KCNQ5: variants seen among roughly 807,000 people sequenced by gnomAD.
KCNQ5 encodes the protein potassium voltage-gated channel subfamily KQT member 5.
Under a neutral mutation model 98.2 loss-of-function variants are expected in KCNQ5, and 30 were observed. That is an observed-to-expected ratio of 0.31 (90% CI 0.23 to 0.41). The LOEUF is 0.41. Among genes scored for constraint, KCNQ5 ranks in the 10% least tolerant of loss-of-function variants. The pLI, the probability that KCNQ5 is intolerant of heterozygous loss-of-function variation, is 1.00. For synonymous variants in KCNQ5, 458 were observed against 449.4 expected (o/e 1.02, Z -0.24); for missense variants, 835 against 1,182.5 (o/e 0.71, Z 4.31).
At chr6:72,813,468 G>A (rs1435836408) in intron 1 of KCNQ5, among the ~76,000 whole-genome samples, 1 of 152,108 alleles carries the variant, frequency 6.6e-6, no homozygotes, top group Non-Finnish European at 1.5e-5. Flanking sequence ...ACACATCTGG[G>A]AATAGAAACT....
intron 1 of KCNQ5, among the ~76,000 whole-genome samples, chr6:72,958,003 A>G (rs970770966): frequency 5.3e-5 from 8 of 152,182 alleles, no homozygotes; most frequent in Admixed American, 5.2e-4. Context: ...CCTTAGAGCA[A>G]GTGCTGTGCC....
chr6:73,098,501 G>A (rs891174004), intron 5 of KCNQ5, among the ~76,000 whole-genome samples: 9 of 152,122 alleles, frequency 5.9e-5, no homozygotes, highest in South Asian at 2.1e-4. Flanking sequence ...TTTATAAGCA[G>A]CAAAAGAAGA....
At chr6:73,079,831 G>A (rs1463688614) in intron 5 of KCNQ5, among the ~76,000 whole-genome samples, 1 of 152,206 alleles carries the variant, frequency 6.6e-6, no homozygotes, top group East Asian at 1.9e-4. Context: ...GGGATAAACT[G>A]TAAACTGAGA....
At chr6:73,184,871 A>C (rs991320091) in intron 11 of KCNQ5, among the ~76,000 whole-genome samples, 1 of 152,204 alleles carries the variant, frequency 6.6e-6, no homozygotes, top group Non-Finnish European at 1.5e-5. Flanking sequence ...AGGAATGACT[A>C]GAGATGAGTA....
At chr6:73,113,585 C>A (rs1775350973) in intron 7 of KCNQ5, among the ~76,000 whole-genome samples, 1 of 152,236 alleles carries the variant, frequency 6.6e-6, no homozygotes. Context: ...CCATACCATA[C>A]AAAAGAAATA....
chr6:72,622,173 GT>G lies in KCNQ5; in HGVS notation c.-16del, dbSNP rs2098915485. ...CGCAGGCGCTGGCGGCCCCCTCGCG[GT>G]GCCCGTGGTGATGCCATGCCCCGCC... is the stretch of plus-strand genomic sequence containing the variant. On this transcript the variant is annotated 5_prime_UTR_variant, in exon 1 of 14. It removes the in-frame stop codon of an upstream open reading frame in the 5' UTR. Coordinates refer to ENST00000370398, the MANE Select transcript of KCNQ5 (RefSeq NM_019842.4). The surrounding 1 kb of genome is among the most constrained non-coding windows in gnomAD (Gnocchi z 6.0). The G allele has an allele frequency of 8.2e-7, 1 of 1,219,778 alleles. No homozygotes were observed. The highest frequency in any genetic ancestry group is 1.0e-6 in the Non-Finnish European group (1 of 980,376). The allele number at this position is 1,219,778 out of a possible 1,614,324, so 75.6% of individuals were successfully genotyped here.
intron 2 of KCNQ5, among the ~76,000 whole-genome samples, chr6:73,007,902 T>C (rs764764740): frequency 6.6e-6 from 1 of 152,194 alleles, no homozygotes; most frequent in Non-Finnish European, 1.5e-5. Flanking sequence ...CCTTCATTTT[T>C]CTTTTTTCCT....
rs1776981548 is a variant in KCNQ5, at chr6:73,147,747, T to G, written c.1468+14106T>G. Among the ~76,000 whole-genome samples, 3 of 152,172 alleles carry G rather than the reference T, an allele frequency of 2.0e-5. No individual in the cohort carries two copies. In the East Asian group the frequency reaches 5.8e-4, roughly 29 times the overall value. On this transcript the variant is annotated intron_variant, in intron 10 of 13. Coordinates refer to ENST00000370398, the MANE Select transcript of KCNQ5 (RefSeq NM_019842.4). ...ACTATTTAATTATTCAGGAATCAATTAAGCTTTATTAATAAAAATTGTTTG... is the reference window on the plus strand; with the variant it reads ...ACTATTTAATTATTCAGGAATCAATGAAGCTTTATTAATAAAAATTGTTTG...
chr6:72,799,453 G>A (rs1481350896), intron 1 of KCNQ5, among the ~76,000 whole-genome samples: 1 of 152,036 alleles, frequency 6.6e-6, no homozygotes, highest in Non-Finnish European at 1.5e-5. Flanking sequence ...CCTCATACAT[G>A]GCTTCTGGTT....
intron 10 of KCNQ5, among the ~76,000 whole-genome samples, chr6:73,136,408 A>G (rs773974027): frequency 6.6e-6 from 1 of 152,232 alleles, no homozygotes; most frequent in African/African-American, 2.4e-5. Flanking sequence ...GTATCTGCAA[A>G]GATGTCTCAG....
Position 73,025,623 on chromosome 6 carries a change from CAAAAAAAAAAAAA to C in KCNQ5, c.490-16289_490-16277del, listed in dbSNP as rs58607159. 1.0e-3 allele frequency among the ~76,000 whole-genome samples: 54 copies of C among 53,014 alleles called. 1 individual carries two copies. The highest frequency in any genetic ancestry group is 1.6e-3 in the African/African-American group (38 of 24,194). The allele number at this position is 53,014 out of a possible 152,430, so 34.8% of individuals were successfully genotyped here. On this transcript the variant is annotated intron_variant, in intron 2 of 13. Coordinates refer to ENST00000370398, the MANE Select transcript of KCNQ5 (RefSeq NM_019842.4). ...GGGCGACAAGAGCAAAACTCCATCT[CAAAAAAAAAAAAA>C]AAAAAAAAAAAAAAAAAAAAAAATT...
chr6:72,763,387 C>T (rs531038937), intron 1 of KCNQ5, among the ~76,000 whole-genome samples: 10 of 151,958 alleles, frequency 6.6e-5, no homozygotes, highest in African/African-American at 7.2e-5. Flanking sequence ...ACCTATTTTT[C>T]GTCTTTCTCC....
chr6:73,026,269 A>G (rs1770886015), intron 2 of KCNQ5, among the ~76,000 whole-genome samples: 1 of 152,198 alleles, frequency 6.6e-6, no homozygotes, highest in East Asian at 1.9e-4. Context: ...CCTAAAAACT[A>G]TGTAGGGACA....
chr6:72,680,125 G>C (rs1767630906), intron 1 of KCNQ5, among the ~76,000 whole-genome samples: 2 of 152,120 alleles, frequency 1.3e-5, no homozygotes, highest in South Asian at 2.1e-4. Flanking sequence ...ATCACTATGG[G>C]ATTCCGAAAT....
intron 1 of KCNQ5, among the ~76,000 whole-genome samples, chr6:72,893,616 A>T (rs772572719): frequency 6.6e-6 from 1 of 152,218 alleles, no homozygotes; most frequent in Non-Finnish European, 1.5e-5. Context: ...AGAAAAAATG[A>T]TATCCTTTGT....
intron 1 of KCNQ5, among the ~76,000 whole-genome samples, chr6:72,704,646 A>T (rs903934128): frequency 6.6e-6 from 1 of 151,908 alleles, no homozygotes; most frequent in Non-Finnish European, 1.5e-5. Flanking sequence ...ATAAAAAAAA[A>T]AGTTACTTCC....
chr6:72,960,993 C>A (rs1025295414), intron 1 of KCNQ5, among the ~76,000 whole-genome samples: 2 of 152,180 alleles, frequency 1.3e-5, no homozygotes, highest in Admixed American at 1.3e-4. Flanking sequence ...CAGTTAGAGC[C>A]AGGGATGGCG....
intron 11 of KCNQ5, among the ~76,000 whole-genome samples, chr6:73,184,698 C>T (rs1778506430): frequency 6.6e-6 from 1 of 152,210 alleles, no homozygotes; most frequent in Non-Finnish European, 1.5e-5. Context: ...AGACCATCTA[C>T]CCCAGTGAGG....
chr6:73,088,788 A>G (rs1490246861), intron 5 of KCNQ5, among the ~76,000 whole-genome samples: 1 of 152,176 alleles, frequency 6.6e-6, no homozygotes, highest in Non-Finnish European at 1.5e-5. Flanking sequence ...TTATGGTGCA[A>G]CCATCTTCCC....
Sources: gnomAD v4.1 joint callset for allele counts (sites outside exome capture counted in the v4.1 genomes callset) on GRCh38, gnomAD v4.1.1 for gene constraint, Gnocchi (gnomAD v3.1) non-coding constraint, MANE v1.5 for transcripts, NCBI Gene and HGNC (gene_info 2026-07-23, HGNC 2026-07-21) for gene names.